The following CEP43 variants were observed in gnomAD, a reference collection of about 807,000 sequenced individuals.
CEP43 encodes the protein centrosomal protein 43, also known as FGFR1 oncogene partner.
CEP43 carries 36 observed loss-of-function variants against 52.6 expected under a neutral mutation model. The ratio of observed to expected loss-of-function variants is 0.68; its 90% confidence interval spans 0.52 to 0.90. The LOEUF (loss-of-function observed/expected upper bound fraction) is 0.90, where lower values mean the gene tolerates loss of function less well. Among genes scored for constraint, CEP43 ranks in the 40% least tolerant of loss-of-function variants. The pLI is 0.00. For synonymous variants in CEP43, 192 were observed against 172.4 expected, an observed-to-expected ratio of 1.11 and a Z score of -0.89; for missense variants, 506 against 472.8, an observed-to-expected ratio of 1.07 and a Z score of -0.65.
In CEP43 at chr6:167,026,549, A is replaced by G. The variant is rs145310318; in HGVS notation, c.922A>G (p.Lys308Glu). 7.0e-6 allele frequency: 11 copies of G among 1,575,746 alleles called. No homozygotes were observed. The African/African-American group carries it at 1.5e-4, about 21-fold the overall frequency. Residue 308 changes from lysine (K) to glutamate (E), a missense_variant and splice_region_variant, in exon 10 of 13, where the codon AAA becomes GAA. Physicochemically the swap from Lys to Glu is moderately conservative, Grantham distance 56 (BLOSUM62 1). Transcript: ENST00000366847. Reference sequence around the variant, plus strand: ...TTAATATTTTCTCCTGTTCACAGGTAAAAGGGGAAATACAGTTTTGAAAGA... The same window carrying G: ...TTAATATTTTCTCCTGTTCACAGGTGAAAGGGGAAATACAGTTTTGAAAGA... ...GAPSLKDSES[K>E]RGNTVLKDLK... is the part of the protein sequence containing the mutation.
In CEP43 at chr6:167,040,999, AT is replaced by A. The variant is rs1383537382; in HGVS notation, c.*1025del. The A allele has an allele frequency of 9.7e-7, 1 of 1,026,042 alleles. No homozygotes were observed. Among genetic ancestry groups the A allele is most frequent in the Non-Finnish European group, 1.2e-6 (1 of 853,640 alleles). The allele number at this position is 1,026,042 out of a possible 1,614,324, so 63.6% of individuals were successfully genotyped here. ...TCACGGATGTTTATAATACTAAAGT[AT>A]TTTAAAATGTGCAAGTAGAAAAAAC... On this transcript the variant is annotated 3_prime_UTR_variant, in exon 13 of 13. Coordinates refer to ENST00000366847, the MANE Select transcript of CEP43 (RefSeq NM_007045.4).
intron 10 of CEP43, among the ~76,000 whole-genome samples, chr6:167,030,849 C>T (rs1780453013): frequency 8.3e-6 from 1 of 121,202 alleles, no homozygotes; most frequent in Admixed American, 7.8e-5. Flanking sequence ...TCCTGTCTTC[C>T]CCCACCCCAC....
At chr6:167,035,972 C>A in intron 12 of CEP43, 1 of 754,924 alleles carries the variant, frequency 1.3e-6, no homozygotes, top group Non-Finnish European at 1.6e-6. Context: ...CAGTGCTTAG[C>A]AGAACAGGCA....
intron 10 of CEP43, 114 bp downstream of exon 10, chr6:167,026,729 A>G: frequency 1.5e-6 from 1 of 671,570 alleles, no homozygotes; most frequent in Admixed American, 2.5e-5. Flanking sequence ...GCTGCTGCTC[A>G]TTCAGCAGGT....
chr6:167,010,680 A>T (rs1779964614), intron 5 of CEP43, 133 bp from the exon 6 acceptor site: 1 of 470,654 alleles, frequency 2.1e-6, no homozygotes, highest in Non-Finnish European at 3.7e-6. Context: ...TCTAAAAAGG[A>T]TGGTTACTTT....
rs1050432358 is a variant in CEP43 at position 167,041,395 on chromosome 6, C to T, written c.*1417C>T. On this transcript the variant is annotated 3_prime_UTR_variant, in exon 13 of 13. Coordinates refer to ENST00000366847, the MANE Select transcript of CEP43 (RefSeq NM_007045.4). ...AACTGGGCCGGTACAGCCTGGGAGC[C>T]CTGTGTATTTCTGCCCTCCGTCTGT... The T allele has an allele frequency of 9.4e-7, 1 of 1,061,284 alleles. No homozygotes were observed. The highest frequency in any genetic ancestry group is 1.1e-6 in the Non-Finnish European group (1 of 876,736). The allele number at this position is 1,061,284 out of a possible 1,614,324, so 65.7% of individuals were successfully genotyped here. A position where few individuals can be genotyped will look rare whatever the true frequency, so the allele number is the denominator to read the frequency against.
Position 167,042,286 on chromosome 6 carries a change from T to A in CEP43, c.*2308T>A. 1.0e-6 allele frequency: 1 copy of A among 1,003,278 alleles called. No homozygotes were observed. The highest frequency in any genetic ancestry group is 1.2e-6 in the Non-Finnish European group (1 of 838,678). 62.1% of individuals were successfully genotyped at this position (1,003,278 alleles called of 1,614,324 possible). A position where few individuals can be genotyped will look rare whatever the true frequency, so the allele number is the denominator to read the frequency against. On this transcript the variant is annotated 3_prime_UTR_variant, in exon 13 of 13. Transcript: ENST00000366847. ...GTGTTTTCTGTTAAAAAATAAATAT[T>A]GAAATATTAACCCATTAAATACATT...
Position 167,010,809 on chromosome 6 carries a change from T to C in CEP43, c.439-4T>C. On this transcript the variant is annotated splice_polypyrimidine_tract_variant and splice_region_variant and intron_variant, in intron 5 of 12. Coordinates refer to ENST00000366847, the MANE Select transcript of CEP43 (RefSeq NM_007045.4). ...TATTTTAATTTTAAACTAAAATATT[T>C]TAGGGTGCACTTGATCTATCTGATG... The C allele has an allele frequency of 6.7e-7, 1 of 1,494,570 alleles. No homozygotes were observed. Among genetic ancestry groups the C allele is most frequent in the East Asian group, 2.4e-5 (1 of 40,836 alleles). The allele number at this position is 1,494,570 out of a possible 1,614,324, so 92.6% of individuals were successfully genotyped here.
intron 10 of CEP43, among the ~76,000 whole-genome samples, chr6:167,031,160 G>T (rs1472551928): frequency 6.6e-6 from 1 of 152,164 alleles, no homozygotes; most frequent in Non-Finnish European, 1.5e-5. Flanking sequence ...GGGTGCAAGT[G>T]ATCCTCCTGC....
intron 10 of CEP43, chr6:167,028,086 T>G: frequency 6.1e-6 from 6 of 985,436 alleles, no homozygotes; most frequent in Non-Finnish European, 7.2e-6. Context: ...TCTCAGTGGC[T>G]AACTGCCACC....
In CEP43 at chr6:167,004,276, G is replaced by T; in HGVS notation, c.313G>T (p.Glu105Ter). The T allele has an allele frequency of 6.2e-7, 1 of 1,602,562 alleles. No individual in the cohort carries two copies. Among genetic ancestry groups the T allele is most frequent in the Non-Finnish European group, 8.5e-7 (1 of 1,175,462 alleles). ...ACTTCTTTTCTAGCTGCAAGGTCTC[G>T]AAGGTCGAGAGAATTTAGCCCGAGA... ...QPETSTLQGL[E>*]GRENLARDLG... is the part of the protein sequence containing the mutation. The change falls in exon 5 of 13, where the codon GAA (glutamate) becomes TAA (stop). Residue 105 changes from glutamate to a stop codon, truncating the protein, a stop_gained. Coordinates refer to ENST00000366847, the MANE Select transcript of CEP43 (RefSeq NM_007045.4). LOFTEE classifies it high-confidence loss of function.
intron 7 of CEP43, among the ~76,000 whole-genome samples, chr6:167,016,280 G>A (rs1224408899): frequency 6.6e-6 from 1 of 152,096 alleles, no homozygotes; most frequent in Non-Finnish European, 1.5e-5. Flanking sequence ...TCTTTTTAGA[G>A]ACAAGGTCTC....
rs1780842844 is a variant in CEP43 at position 167,049,504 on chromosome 6, T to C, written c.*9526T>C. On this transcript the variant is annotated 3_prime_UTR_variant, in exon 13 of 13. Transcript: ENST00000366847. ...GACTGGCTTCTTTCACTTAGCATAA[T>C]GTTTTCAAGAGTCATCTGTGTTGTA... 6.6e-6 allele frequency: 1 copy of C among 152,256 alleles called. No homozygotes were observed. Among genetic ancestry groups the C allele is most frequent in the East Asian group, 1.9e-4 (1 of 5,204 alleles). The allele number at this position is 152,256 out of a possible 1,614,324, so 9.4% of individuals were successfully genotyped here. A position where few individuals can be genotyped will look rare whatever the true frequency, so the allele number is the denominator to read the frequency against.
chr6:167,026,942 GT>G (rs927685209), intron 10 of CEP43, among the ~76,000 whole-genome samples: 1 of 152,200 alleles, frequency 6.6e-6, no homozygotes, highest in African/African-American at 2.4e-5. Context: ...GGTTACCTTT[GT>G]CCAGTCTTGG....
At chr6:167,003,135 A>G (rs1779774852) in intron 2 of CEP43, 58 bp from the exon 3 acceptor site, 1 of 774,272 alleles carries the variant, frequency 1.3e-6, no homozygotes, top group Non-Finnish European at 2.1e-6. Flanking sequence ...TAAACTTTAT[A>G]TTTTGTAGTT....
intron 10 of CEP43, among the ~76,000 whole-genome samples, chr6:167,032,039 G>C (rs1780481333): frequency 2.6e-5 from 4 of 152,148 alleles, no homozygotes; most frequent in Admixed American, 2.0e-4. Flanking sequence ...ACTCTGATTG[G>C]TGTGGCTTTG....
intron 7 of CEP43, among the ~76,000 whole-genome samples, chr6:167,020,781 C>T (rs1198442146): frequency 2.0e-5 from 3 of 151,896 alleles, no homozygotes; most frequent in African/African-American, 4.8e-5. Flanking sequence ...TGGTGGCACG[C>T]GCCTGAAATC....
At position 167,041,354 on chromosome 6, in the gene CEP43, G is replaced by A; in HGVS notation, c.*1376G>A. 2 of 1,058,598 alleles carry A rather than the reference G, an allele frequency of 1.9e-6. No individual in the cohort carries two copies. Among genetic ancestry groups the A allele is most frequent in the South Asian group, 4.6e-5 (1 of 21,928 alleles). 65.6% of individuals were successfully genotyped at this position (1,058,598 alleles called of 1,614,324 possible). On this transcript the variant is annotated 3_prime_UTR_variant, in exon 13 of 13. Coordinates refer to ENST00000366847, the MANE Select transcript of CEP43 (RefSeq NM_007045.4). ...AGTGAAACTAAGCTGTAAACATCAA[G>A]AGGAAGTAGGACATAAACTGGGCCG...
Position 167,028,230 on chromosome 6 carries a change from C to G in CEP43, c.988+1615C>G, listed in dbSNP as rs895288320. 3.0e-6 allele frequency: 3 copies of G among 985,250 alleles called. No homozygotes were observed. The African/African-American group carries it at 5.2e-5, about 17-fold the overall frequency. The allele number at this position is 985,250 out of a possible 1,614,324, so 61.0% of individuals were successfully genotyped here. On this transcript the variant is annotated intron_variant, in intron 10 of 12. Coordinates refer to ENST00000366847, the MANE Select transcript of CEP43 (RefSeq NM_007045.4). The stretch of plus-strand genomic sequence containing the variant: ...TTTCTCTGACTGCTCTATTCTCTTA[C>G]CAAAGCGAGGGTTTTCCCTCCTGTT...
Sources: allele counts gnomAD v4.1 joint callset (sites outside exome capture counted in the v4.1 genomes callset), GRCh38; gene constraint gnomAD v4.1.1; transcripts MANE v1.5; gene names NCBI Gene and HGNC (gene_info 2026-07-23, HGNC 2026-07-21).